L3MBTL4: variants seen among roughly 807,000 people sequenced by gnomAD.
L3MBTL4 encodes lethal(3)malignant brain tumor-like protein 4.
A neutral mutation model predicts 84.5 loss-of-function variants in L3MBTL4; 70 were observed. The ratio of observed to expected loss-of-function variants is 0.83; its 90% CI spans 0.68 to 1.01. The LOEUF (loss-of-function observed/expected upper bound fraction) is 1.01, where lower values mean the gene tolerates loss of function less well. L3MBTL4 is among the 50% of genes least tolerant of loss of function. The probability of loss-of-function intolerance (pLI) is 0.00; values close to 1 mark genes in which losing one functional copy is unlikely to be tolerated. For synonymous variants in L3MBTL4, 274 were observed against 259.8 expected, an observed-to-expected ratio of 1.05 and a Z score of -0.52; for missense variants, 715 against 754.8, an observed-to-expected ratio of 0.95 and a Z score of 0.62.
chr18:6,112,419 T>TTTAGG, intron 14 of L3MBTL4, among the ~76,000 whole-genome samples: 1 of 152,328 alleles, frequency 6.6e-6, no homozygotes, highest in Non-Finnish European at 1.5e-5. Context: ...TAAGCATGTC[T>TTTAGG]TTAGGTATTA....
In L3MBTL4 at chr18:6,007,924, T is replaced by C. The variant is rs1353346530; in HGVS notation, c.1445-38362A>G. Among the ~76,000 whole-genome samples, 6 of 152,338 alleles carry C rather than the reference T, an allele frequency of 3.9e-5. No individual in the cohort carries two copies. In the East Asian group the frequency reaches 1.2e-3, roughly 29 times the overall value. The stretch of plus-strand genomic sequence containing the variant: ...AAACGGTGAGGGTAAGAAAATCTAC[T>C]AAGTTTGCTTGCTTATGCCTAAAGA... On this transcript the variant is annotated intron_variant, in intron 16 of 18. Transcript: ENST00000317931.
In L3MBTL4 at chr18:6,064,957, C is replaced by T. The variant is rs542478481; in HGVS notation, c.1444+15924G>A. Among the ~76,000 whole-genome samples, 178 of 151,928 alleles carry T rather than the reference C, an allele frequency of 1.2e-3. 1 individual carries two copies. Among genetic ancestry groups the T allele is most frequent in the African/African-American group, 3.9e-3 (160 of 41,496 alleles). On this transcript the variant is annotated intron_variant, in intron 16 of 18. Transcript: ENST00000317931. The stretch of plus-strand genomic sequence containing the variant: ...CTCAGGGGGAATGCTTTAAACTCTT[C>T]GCCATTCAGCGTAATGTTGCCTGTG...
rs533743484 is a variant in L3MBTL4, at chr18:6,149,095, C to T, written c.1097-10799G>A. On this transcript the variant is annotated intron_variant, in intron 13 of 18. Coordinates refer to ENST00000317931, the MANE Select transcript of L3MBTL4 (RefSeq NM_001330559.2). ...TAAGTTTTAGGGTACATGTGCACAA[C>T]ATGCAGGCTTGTTACATATGTATAC... 1.7e-4 allele frequency among the ~76,000 whole-genome samples: 26 copies of T among 152,102 alleles called. No homozygotes were observed. In the South Asian group the frequency reaches 4.6e-3, roughly 27 times the overall value.
intron 13 of L3MBTL4, among the ~76,000 whole-genome samples, chr18:6,146,898 G>A (rs1045400379): frequency 5.3e-5 from 8 of 152,002 alleles, no homozygotes; most frequent in South Asian, 2.1e-4. Flanking sequence ...CAGTCCTGGC[G>A]AAGGCAAAAC....
intron 14 of L3MBTL4, among the ~76,000 whole-genome samples, chr18:6,120,474 C>G (rs2059490444): frequency 6.6e-6 from 1 of 152,142 alleles, no homozygotes; most frequent in African/African-American, 2.4e-5. Flanking sequence ...TTCTTGAGGT[C>G]ATTTTTGTTT....
chr18:6,233,089 T>G (rs2047064465), intron 10 of L3MBTL4, among the ~76,000 whole-genome samples: 1 of 152,112 alleles, frequency 6.6e-6, no homozygotes, highest in Non-Finnish European at 1.5e-5. Flanking sequence ...TCTCAATAGA[T>G]GCAGAAAAGG....
intron 1 of L3MBTL4, chr18:6,399,648 A>G (rs2055430940): frequency 6.6e-6 from 1 of 152,236 alleles, no homozygotes; most frequent in Non-Finnish European, 1.5e-5. Flanking sequence ...TGTCGGCTAT[A>G]CTTACATCTT....
intron 16 of L3MBTL4, among the ~76,000 whole-genome samples, chr18:6,049,244 C>G (rs1420647420): frequency 6.6e-6 from 1 of 152,128 alleles, no homozygotes; most frequent in Non-Finnish European, 1.5e-5. Flanking sequence ...CAAAATCTGA[C>G]AAGTGGGACC....
chr18:5,960,061 C>CATAT (rs1555617167), intron 18 of L3MBTL4, 33 bp downstream of exon 18: 4 of 374,254 alleles, frequency 1.1e-5, no homozygotes, highest in South Asian at 7.3e-5. Context: ...TATATATATA[C>CATAT]ATATATATAT....
At chr18:6,377,566 T>C (rs1238415394) in intron 1 of L3MBTL4, among the ~76,000 whole-genome samples, 1 of 152,146 alleles carries the variant, frequency 6.6e-6, no homozygotes, top group Admixed American at 6.5e-5. Context: ...AATGAGAACA[T>C]GTGGTGTTTG....
intron 16 of L3MBTL4, among the ~76,000 whole-genome samples, chr18:5,978,333 A>G (rs892989682): frequency 6.6e-6 from 1 of 152,230 alleles, no homozygotes; most frequent in Non-Finnish European, 1.5e-5. Context: ...TAGTCATCCA[A>G]TACAAGACCT....
At chr18:6,225,266 C>T (rs1462738174) in intron 10 of L3MBTL4, among the ~76,000 whole-genome samples, 1 of 152,192 alleles carries the variant, frequency 6.6e-6, no homozygotes, top group Admixed American at 6.5e-5. Context: ...TGATTCTATA[C>T]AAGTGGGTAA....
At chr18:6,073,025 G>A (rs1259288081) in intron 16 of L3MBTL4, among the ~76,000 whole-genome samples, 1 of 147,512 alleles carries the variant, frequency 6.8e-6, no homozygotes, top group Admixed American at 6.8e-5. Context: ...AGGCAGGAAG[G>A]CAGAAATATA....
intron 4 of L3MBTL4, among the ~76,000 whole-genome samples, chr18:6,282,749 T>C (rs1480635308): frequency 6.6e-6 from 1 of 152,140 alleles, no homozygotes; most frequent in Admixed American, 6.5e-5. Flanking sequence ...GCTGGCATTG[T>C]GCACCTGGAT....
rs528650234 is a variant in L3MBTL4 at position 6,412,923 on chromosome 18, A to C, written c.-91+1878T>G. 1.9e-3 allele frequency among the ~76,000 whole-genome samples: 283 copies of C among 148,636 alleles called. 1 individual carries two copies. Among genetic ancestry groups the C allele is most frequent in the African/African-American group, 6.5e-3 (264 of 40,872 alleles). On this transcript the variant is annotated intron_variant, in intron 1 of 18. Transcript: ENST00000317931. ...AGTTAAATGAGTTTCCGTCTCTACA[A>C]AAAAAAAAAAATTAGAAAATTAGCC... is the stretch of plus-strand genomic sequence containing the variant.
intron 4 of L3MBTL4, among the ~76,000 whole-genome samples, chr18:6,301,041 C>A (rs1175930549): frequency 2.0e-5 from 3 of 152,076 alleles, no homozygotes; most frequent in Non-Finnish European, 4.4e-5. Flanking sequence ...TTTTTAAAAT[C>A]ATTTAGGGAG....
rs542939606 is a variant in L3MBTL4 at position 6,342,947 on chromosome 18, G to GA, written c.-90-30892dup. Among the ~76,000 whole-genome samples, 57 of 151,558 alleles carry GA rather than the reference G, an allele frequency of 3.8e-4. No individual in the cohort carries two copies. In the East Asian group the frequency reaches 7.2e-3, roughly 19 times the overall value. Reference sequence around the variant, plus strand: ...AGCAGGAGTAGCTATACTTATATCAGAAAAAAAACTTCACTTTAAGTAAAA... The same window carrying GA: ...AGCAGGAGTAGCTATACTTATATCAGAAAAAAAAACTTCACTTTAAGTAAAA... On this transcript the variant is annotated intron_variant, in intron 1 of 18. Coordinates refer to ENST00000317931, the MANE Select transcript of L3MBTL4 (RefSeq NM_001330559.2).
At chr18:6,406,090 T>A (rs1798124959) in intron 1 of L3MBTL4, among the ~76,000 whole-genome samples, 1 of 152,206 alleles carries the variant, frequency 6.6e-6, no homozygotes, top group South Asian at 2.1e-4. Context: ...TAGAATGAAA[T>A]TCACCAAGCT....
intron 13 of L3MBTL4, among the ~76,000 whole-genome samples, chr18:6,151,873 C>T (rs1344663846): frequency 6.6e-6 from 1 of 152,122 alleles, no homozygotes; most frequent in Non-Finnish European, 1.5e-5. Context: ...GTACATTTGG[C>T]CAACATTTCT....
Sources: allele counts gnomAD v4.1 joint callset (sites outside exome capture counted in the v4.1 genomes callset), GRCh38; gene constraint gnomAD v4.1.1; transcripts MANE v1.5; gene names NCBI Gene and HGNC (gene_info 2026-07-23, HGNC 2026-07-21).